PRELID2: variants seen among roughly 807,000 people sequenced by gnomAD.
The protein encoded by PRELID2 is PRELI domain-containing protein 2.
Under a neutral mutation model 28.4 loss-of-function variants are expected in PRELID2, and 25 were observed. The ratio of observed to expected loss-of-function variants is 0.88; its 90% CI spans 0.64 to 1.23. The LOEUF is 1.23. Ranked by LOEUF, PRELID2 falls within the 50% of genes most tolerant of loss-of-function variation. The probability of loss-of-function intolerance (pLI) is 0.00; values close to 1 mark genes in which losing one functional copy is unlikely to be tolerated. For missense variants in PRELID2, 201 were observed against 214.4 expected, an observed-to-expected ratio of 0.94 and a Z score of 0.39; for synonymous variants, 76 against 71.6, an observed-to-expected ratio of 1.06 and a Z score of -0.31.
intron 1 of PRELID2, among the ~76,000 whole-genome samples, chr5:145,728,111 G>A (rs1654147): frequency 0.18 from 28,078 of 151,920 alleles, 3,020 homozygotes; most frequent in African/African-American, 0.29. Flanking sequence ...TAGTCTCTAC[G>A]TTTGTACCTC....
intron 1 of PRELID2, among the ~76,000 whole-genome samples, chr5:145,744,361 C>T (rs573592514): frequency 1.6e-4 from 25 of 152,352 alleles, no homozygotes; most frequent in Admixed American, 2.6e-4. Flanking sequence ...CAAAGTGCTT[C>T]GTTAAATGGG....
intron 4 of PRELID2, among the ~76,000 whole-genome samples, chr5:145,817,128 C>T (rs1403933187): frequency 1.4e-5 from 2 of 147,626 alleles, no homozygotes; most frequent in Non-Finnish European, 3.0e-5. Context: ...GAGGTTGAGG[C>T]TGCACCGAGC....
the PRELID2 span, among the ~76,000 whole-genome samples, chr5:145,337,113 A>G: frequency 6.6e-6 from 1 of 151,842 alleles, no homozygotes; most frequent in Admixed American, 6.6e-5. Flanking sequence ...GAAGTATAAT[A>G]ATAATAATAA....
At chr5:145,261,714 C>G in the PRELID2 span, among the ~76,000 whole-genome samples, 1 of 152,156 alleles carries the variant, frequency 6.6e-6, no homozygotes, top group Non-Finnish European at 1.5e-5. Flanking sequence ...CCCTGATCTT[C>G]CCTCTGACAT....
At chr5:145,754,126 G>A (rs980266422), downstream of PRELID2, 2 of 152,208 alleles carry the variant, frequency 1.3e-5, no homozygotes, top group Non-Finnish European at 2.9e-5. Context: ...ACACCTCAAT[G>A]TCCTGTACCT....
At chr5:145,790,890 G>GGTAT (rs1554095037) in intron 5 of PRELID2, among the ~76,000 whole-genome samples, 3 of 39,424 alleles carry the variant, frequency 7.6e-5, no homozygotes, top group Admixed American at 3.0e-4. Flanking sequence ...TTCACTTCTG[G>GGTAT]GTATATATAT....
chr5:145,581,694 C>T (rs10040900), intron 1 of PRELID2, among the ~76,000 whole-genome samples: 18,489 of 152,008 alleles, frequency 0.12, 3,132 homozygotes, highest in African/African-American at 0.38. Flanking sequence ...CCTAACCAGA[C>T]GTTGAAGCCT....
chr5:145,320,921 A>G, the PRELID2 span, among the ~76,000 whole-genome samples: 2 of 152,200 alleles, frequency 1.3e-5, no homozygotes, highest in African/African-American at 4.8e-5. Context: ...AGCATTTTCT[A>G]TATGCTCAGC....
At chr5:145,269,204 T>A in the PRELID2 span, among the ~76,000 whole-genome samples, 2 of 152,038 alleles carry the variant, frequency 1.3e-5, no homozygotes, top group Non-Finnish European at 1.5e-5. Context: ...TGCAAAAAAC[T>A]ATAGTAGTCC....
At chr5:145,697,042 TA>T (rs1164462202) in intron 1 of PRELID2, among the ~76,000 whole-genome samples, 1 of 80,700 alleles carries the variant, frequency 1.2e-5, no homozygotes, top group African/African-American at 7.1e-5. Flanking sequence ...ATTATATATA[TA>T]TATATATATA....
intron 1 of PRELID2, among the ~76,000 whole-genome samples, chr5:145,718,515 A>G (rs1755901626): frequency 1.3e-5 from 2 of 151,926 alleles, no homozygotes; most frequent in Admixed American, 1.3e-4. Context: ...TTCCCAGTCA[A>G]ATTTCAACTT....
At chr5:145,487,389 T>A (rs868211168) in intron 1 of PRELID2, among the ~76,000 whole-genome samples, 3 of 152,184 alleles carry the variant, frequency 2.0e-5, no homozygotes, top group South Asian at 2.1e-4. Context: ...AACTATCTGA[T>A]CCCAGGGGCA....
At position 145,757,659 on chromosome 5, in the gene PRELID2, C is replaced by A. The variant is rs374153052; in HGVS notation, c.*2877G>T. On this transcript the variant is annotated 3_prime_UTR_variant, in exon 7 of 7. Transcript: ENST00000683046. ...CATATAATTTAAAAAAATTAACAAG[C>A]CCTAATTAATTCCAAAAAGAGGACA... Among the ~76,000 whole-genome samples, 2 of 151,732 alleles carry A rather than the reference C, an allele frequency of 1.3e-5. No homozygotes were observed. The highest frequency in any genetic ancestry group is 3.9e-4 in the East Asian group (2 of 5,144).
At chr5:145,803,277 C>T (rs964954071) in intron 4 of PRELID2, among the ~76,000 whole-genome samples, 4 of 152,132 alleles carry the variant, frequency 2.6e-5, no homozygotes, top group Non-Finnish European at 4.4e-5. Flanking sequence ...TAGTCTCTCC[C>T]ATGCTGTCTG....
the PRELID2 span, among the ~76,000 whole-genome samples, chr5:145,324,396 C>T: frequency 6.6e-6 from 1 of 152,170 alleles, no homozygotes; most frequent in African/African-American, 2.4e-5. Flanking sequence ...TCTTAGGAGC[C>T]AGGGTCCAAG....
chr5:145,667,790 C>T (rs79252328), intron 1 of PRELID2, among the ~76,000 whole-genome samples: 1 of 152,014 alleles, frequency 6.6e-6, no homozygotes, highest in Non-Finnish European at 1.5e-5. Flanking sequence ...CCACTAGCAC[C>T]ATACCTTGCA....
At chr5:145,723,717 G>A in intron 1 of PRELID2, among the ~76,000 whole-genome samples, 1 of 152,194 alleles carries the variant, frequency 6.6e-6, no homozygotes, top group East Asian at 1.9e-4. Flanking sequence ...GGCAAGGCTT[G>A]TGAGGCACTC....
chr5:145,286,360 A>C, the PRELID2 span, among the ~76,000 whole-genome samples: 1 of 152,102 alleles, frequency 6.6e-6, no homozygotes, highest in Non-Finnish European at 1.5e-5. Context: ...TTTTTTCAGG[A>C]TTTACTGTGT....
At chr5:145,796,584 T>C (rs752051482) in intron 4 of PRELID2, 37 bp from the exon 5 acceptor site, 4 of 1,352,850 alleles carry the variant, frequency 3.0e-6, no homozygotes, top group Non-Finnish European at 4.2e-6. Flanking sequence ...TTGATGTCAT[T>C]CTATGCTTGG....
Sources: gnomAD v4.1 joint callset for allele counts (sites outside exome capture counted in the v4.1 genomes callset) on GRCh38, gnomAD v4.1.1 for gene constraint, MANE v1.5 for transcripts, NCBI Gene and HGNC (gene_info 2026-07-23, HGNC 2026-07-21) for gene names.